Variants in HDLBP observed in about 807,000 individuals in gnomAD.
HDLBP encodes the protein vigilin.
HDLBP carries 30 observed loss-of-function variants against 137.3 expected under a neutral mutation model. The ratio of observed to expected loss-of-function variants is 0.22; its 90% CI spans 0.16 to 0.30. HDLBP has a LOEUF of 0.30. Among genes scored for constraint, HDLBP ranks in the 10% least tolerant of loss-of-function variants. The probability of loss-of-function intolerance (pLI) is 1.00; values close to 1 mark genes in which losing one functional copy is unlikely to be tolerated. For synonymous variants in HDLBP, 606 were observed against 596.0 expected (o/e 1.02, Z -0.24); for missense variants, 1,119 against 1,667.3 (o/e 0.67, Z 5.73).
intron 1 of HDLBP, among the ~76,000 whole-genome samples, chr2:241,275,348 A>G (rs1575003511): frequency 6.6e-6 from 1 of 152,340 alleles, no homozygotes; most frequent in South Asian, 2.1e-4. Context: ...TAAGATTGAG[A>G]CAATAAAAAA....
intron 1 of HDLBP, chr2:241,273,344 C>A: frequency 1.5e-6 from 1 of 665,160 alleles, no homozygotes; most frequent in Non-Finnish European, 1.9e-6. Flanking sequence ...TGGCAATCAA[C>A]TTAATCTCCC....
At chr2:241,285,960 G>T (rs914591092) in intron 1 of HDLBP, among the ~76,000 whole-genome samples, 2 of 152,184 alleles carry the variant, frequency 1.3e-5, no homozygotes, top group African/African-American at 2.4e-5. Flanking sequence ...ATTTGAAGCT[G>T]CAGTGAGTTA....
At chr2:241,257,504 T>A (rs746146754) in intron 5 of HDLBP, among the ~76,000 whole-genome samples, 3 of 152,182 alleles carry the variant, frequency 2.0e-5, no homozygotes, top group Non-Finnish European at 4.4e-5. Flanking sequence ...GTGCTGGGAT[T>A]GCAGGTGTGA....
chr2:241,273,470 G>A (rs1574999136), intron 1 of HDLBP: 4 of 526,284 alleles, frequency 7.6e-6, no homozygotes, highest in African/African-American at 2.1e-5. Context: ...CGGTGGATAC[G>A]CAGGACTGGG....
Position 241,272,848 on chromosome 2 carries a change from G to GCC in HDLBP, c.-102-4309_-102-4308dup. ...GGACGCTCCGAGGCGCGGCGCCCGG[G>GCC]CCCCGGCTGCTATATAGGGCGGCGG... On this transcript the variant is annotated intron_variant, in intron 1 of 27. Coordinates refer to ENST00000310931, the MANE Select transcript of HDLBP (RefSeq NM_005336.6). This position sits in a 1 kb window ranked among gnomAD's most constrained non-coding sequence, Gnocchi z 5.6. 3.4e-6 allele frequency: 1 copy of GCC among 294,778 alleles called. No individual in the cohort carries two copies. Among genetic ancestry groups the GCC allele is most frequent in the Non-Finnish European group, 5.0e-6 (1 of 198,970 alleles). The allele number at this position is 294,778 out of a possible 1,614,324, so 18.3% of individuals were successfully genotyped here.
chr2:241,296,259 A>G lies in HDLBP; in HGVS notation c.-103+19311T>C, dbSNP rs2149674465. On this transcript the variant is annotated intron_variant, in intron 1 of 27. Transcript: ENST00000310931. ...GAATTTATTATTTGATACAAGTGCC[A>G]TTTCAAATCAGCAAGGAATTGGGCC... is the stretch of plus-strand genomic sequence containing the variant. 1.3e-5 allele frequency among the ~76,000 whole-genome samples: 2 copies of G among 152,344 alleles called. 1 individual carries two copies. The highest frequency in any genetic ancestry group is 1.3e-4 in the Admixed American group (2 of 15,308).
In HDLBP at chr2:241,246,780, C is replaced by A; in HGVS notation, c.1922G>T (p.Ser641Ile). 1 of 1,614,194 alleles carries A rather than the reference C, an allele frequency of 6.2e-7. No homozygotes were observed. Among genetic ancestry groups the A allele is most frequent in the Non-Finnish European group, 8.5e-7 (1 of 1,180,006 alleles). The stretch of plus-strand genomic sequence containing the variant: ...GTCTTTCTGAATAGACAGAATCCTG[C>A]TCCGGGCAGCTTCGCAGTTGGCTCG... ...GKRANCEAAR[S>I]RILSIQKDLA... Residue 641 changes from serine (S) to isoleucine (I), a missense_variant, in exon 16 of 28, where the codon AGC becomes ATC. Transcript: ENST00000310931.
At position 241,233,774 on chromosome 2, in the gene HDLBP, T is replaced by G. The variant is rs1332395695; in HGVS notation, c.3288+46A>C. 6.2e-7 allele frequency: 1 copy of G among 1,610,762 alleles called. No homozygotes were observed. Among genetic ancestry groups the G allele is most frequent in the African/African-American group, 1.3e-5 (1 of 74,746 alleles). On this transcript the variant is annotated intron_variant, in intron 24 of 27. Transcript: ENST00000310931. The surrounding 1 kb of genome is among the most constrained non-coding windows in gnomAD (Gnocchi z 4.3). The stretch of plus-strand genomic sequence containing the variant: ...TACTGCTCCCAAGTCACAGGAAAGG[T>G]CAACAAGCACCTCTGCCCCCGACAC...
Position 241,233,511 on chromosome 2 carries a change from C to G in HDLBP, c.3288+309G>C, listed in dbSNP as rs540233130. 4.1e-4 allele frequency among the ~76,000 whole-genome samples: 63 copies of G among 152,258 alleles called. No individual in the cohort carries two copies. The highest frequency in any genetic ancestry group is 7.4e-4 in the Non-Finnish European group (50 of 68,006). ...GGGAGCCTCAGAGAGGCCCGGGTGA[C>G]AGGTGAATGAGCTACACCTGGAGGC... On this transcript the variant is annotated intron_variant, in intron 24 of 27. Coordinates refer to ENST00000310931, the MANE Select transcript of HDLBP (RefSeq NM_005336.6). The surrounding 1 kb of genome is among the most constrained non-coding windows in gnomAD (Gnocchi z 4.3).
At chr2:241,256,080 G>A in intron 7 of HDLBP, 104 bp downstream of exon 7, 2 of 942,740 alleles carry the variant, frequency 2.1e-6, no homozygotes, top group Admixed American at 4.1e-5. Context: ...TCTTCATCAA[G>A]GACAAAAAGA....
chr2:241,296,585 G>C (rs1021699133), intron 1 of HDLBP, among the ~76,000 whole-genome samples: 3 of 152,200 alleles, frequency 2.0e-5, no homozygotes, highest in African/African-American at 7.2e-5. Flanking sequence ...CATCTGAATA[G>C]GTTAGGACAT....
intron 9 of HDLBP, among the ~76,000 whole-genome samples, chr2:241,254,282 T>TA (rs945441611): frequency 5.9e-5 from 9 of 151,828 alleles, no homozygotes; most frequent in South Asian, 4.2e-4. Flanking sequence ...AGGAATAAAA[T>TA]AAAAAAAATT....
intron 2 of HDLBP, 118 bp downstream of exon 2, chr2:241,268,359 T>A (rs746249878): frequency 2.5e-5 from 15 of 607,710 alleles, no homozygotes; most frequent in Non-Finnish European, 3.1e-5. Flanking sequence ...CACGAGAAAC[T>A]TGAAGGTGTG....
At chr2:241,244,342 A>AT (rs1212557935) in intron 16 of HDLBP, among the ~76,000 whole-genome samples, 4 of 152,232 alleles carry the variant, frequency 2.6e-5, no homozygotes, top group African/African-American at 9.6e-5. Flanking sequence ...GAACACATAT[A>AT]TTCAAGAAGC....
chr2:241,249,072 A>G (rs1293628383), intron 12 of HDLBP, among the ~76,000 whole-genome samples: 1 of 152,152 alleles, frequency 6.6e-6, no homozygotes, highest in Admixed American at 6.5e-5. Flanking sequence ...AGAACCTGGA[A>G]TATGAGACTG....
chr2:241,274,369 G>C (rs1333447138), intron 1 of HDLBP, among the ~76,000 whole-genome samples: 1 of 152,234 alleles, frequency 6.6e-6, no homozygotes, highest in Non-Finnish European at 1.5e-5. Context: ...CACGGAACTG[G>C]GCAGGTGGGC....
intron 16 of HDLBP, among the ~76,000 whole-genome samples, chr2:241,242,956 A>G (rs550188466): frequency 6.6e-6 from 1 of 152,188 alleles, no homozygotes; most frequent in South Asian, 2.1e-4. Flanking sequence ...TCTATGCTGG[A>G]TTGGGAGGTG....
chr2:241,236,984 G>A (rs201381023), intron 20 of HDLBP, among the ~76,000 whole-genome samples: 3 of 148,220 alleles, frequency 2.0e-5, no homozygotes, highest in African/African-American at 5.0e-5. Context: ...CCTTGGGGGG[G>A]GGGGGGGGGG....
intron 1 of HDLBP, among the ~76,000 whole-genome samples, chr2:241,305,682 C>T (rs372794988): frequency 5.3e-5 from 8 of 152,250 alleles, no homozygotes; most frequent in African/African-American, 1.9e-4. Context: ...CAAAAATCAC[C>T]CTGGTGATAA....
Sources: allele counts gnomAD v4.1 joint callset (sites outside exome capture counted in the v4.1 genomes callset), GRCh38; gene constraint gnomAD v4.1.1; non-coding constraint Gnocchi (gnomAD v3.1); transcripts MANE v1.5; gene names NCBI Gene and HGNC (gene_info 2026-07-23, HGNC 2026-07-21).